Variants in SKOR1 observed in about 807,000 individuals in gnomAD.
SKOR1 encodes the protein SKI family transcriptional corepressor 1.
A neutral mutation model predicts 72.4 loss-of-function variants in SKOR1; 38 were observed. The ratio of observed to expected loss-of-function variants is 0.52; its 90% CI spans 0.40 to 0.69. The LOEUF is 0.69. Among genes scored for constraint, SKOR1 ranks in the 30% least tolerant of loss-of-function variants. SKOR1 has a pLI of 0.00. For missense variants in SKOR1, 1,320 were observed against 1,343.2 expected (o/e 0.98, Z 0.27); for synonymous variants, 642 against 599.4 (o/e 1.07, Z -1.04).
chr15:67,826,859 C>T lies in SKOR1; in HGVS notation c.1031C>T (p.Pro344Leu), dbSNP rs779396600. 30 of 1,529,926 alleles carry T rather than the reference C, an allele frequency of 2.0e-5. No individual in the cohort carries two copies. In the South Asian group the frequency reaches 2.7e-4, roughly 14 times the overall value. 94.8% of individuals were successfully genotyped at this position (1,529,926 alleles called of 1,614,324 possible). A position where few individuals can be genotyped will look rare whatever the true frequency, so the allele number is the denominator to read the frequency against. The change falls in exon 2 of 9, where the codon CCG (proline) becomes CTG (leucine). Residue 344 changes from proline to leucine, a missense_variant. Transcript: ENST00000380035. Reference protein sequence around the residue: ...AGPPGPPPPHPQRGLGLATGA... With the variant: ...AGPPGPPPPHLQRGLGLATGA... Reference sequence around the variant, plus strand: ...CCTCCGGGGCCACCTCCACCCCACCCGCAGCGCGGACTTGGCCTGGCGACT... The same window carrying T: ...CCTCCGGGGCCACCTCCACCCCACCTGCAGCGCGGACTTGGCCTGGCGACT...
At chr15:67,828,591 C>T (rs1462596022) in intron 2 of SKOR1, among the ~76,000 whole-genome samples, 1 of 152,174 alleles carries the variant, frequency 6.6e-6, no homozygotes, top group African/African-American at 2.4e-5. Flanking sequence ...CCAGCAGTAC[C>T]GGGTCCCCGG....
rs747110460 is a variant in SKOR1 at position 67,826,895 on chromosome 15, G to C, written c.1067G>C (p.Gly356Ala). Reference sequence around the variant, plus strand: ...CTTGGCCTGGCGACTGGAGCTAGTGGCCCGGCGGGCCCAGGAGGGCCCGGT... The same window carrying C: ...CTTGGCCTGGCGACTGGAGCTAGTGCCCCGGCGGGCCCAGGAGGGCCCGGT... ...RGLGLATGAS[G>A]PAGPGGPGGG... The change falls in exon 2 of 9, where the codon GGC becomes GCC. Residue 356 changes from glycine to alanine, a missense_variant. Coordinates refer to ENST00000380035, the MANE Select transcript of SKOR1 (RefSeq NM_001365915.1). 1 of 1,548,628 alleles carries C rather than the reference G, an allele frequency of 6.5e-7. No homozygotes were observed. The highest frequency in any genetic ancestry group is 1.9e-5 in the Admixed American group (1 of 53,148).
chr15:67,829,096 T>A, intron 2 of SKOR1, 83 bp from the exon 3 acceptor site: 17 of 1,314,376 alleles, frequency 1.3e-5, no homozygotes, highest in Non-Finnish European at 1.7e-5. Flanking sequence ...CGGCTTTCCC[T>A]CTTGGCCGCG....
Position 67,827,998 on chromosome 15 carries a change from GGGCCACCCCCAGCT to G in SKOR1, c.2175_2188del (p.Pro726AlafsTer16). 1 of 1,539,090 alleles carries G rather than the reference GGGCCACCCCCAGCT, an allele frequency of 6.5e-7. No homozygotes were observed. The highest frequency in any genetic ancestry group is 8.7e-7 in the Non-Finnish European group (1 of 1,144,324). ...CAGCCCCCGCCCCCGGCGCCGCCTCGGGCCACCCCCAGCTGGCCGGCCCGCATTTGGGGACTTGG... is the reference window on the plus strand; with the variant it reads ...CAGCCCCCGCCCCCGGCGCCGCCTCGGGCCGGCCCGCATTTGGGGACTTGG... On this transcript the variant is annotated frameshift_variant, in exon 2 of 9. Coordinates refer to ENST00000380035, the MANE Select transcript of SKOR1 (RefSeq NM_001365915.1). LOFTEE classifies it high-confidence loss of function.
In SKOR1 at chr15:67,833,890, C is replaced by A. The variant is rs759402422; in HGVS notation, c.*54C>A. The A allele has an allele frequency of 1.4e-5, 21 of 1,553,558 alleles. No individual in the cohort carries two copies. Among genetic ancestry groups the A allele is most frequent in the Non-Finnish European group, 1.8e-5 (21 of 1,136,818 alleles). On this transcript the variant is annotated 3_prime_UTR_variant, in exon 9 of 9. Coordinates refer to ENST00000380035, the MANE Select transcript of SKOR1 (RefSeq NM_001365915.1). The surrounding 1 kb of genome is among the most constrained non-coding windows in gnomAD (Gnocchi z 6.0). ...CAAGCCATGCTGCTCCTTGTAAATA[C>A]CCGCTGCTGCGGTGGCCCTGAGCGA...
chr15:67,826,925 G>T lies in SKOR1; in HGVS notation c.1097G>T (p.Gly366Val). 1 of 1,568,012 alleles carries T rather than the reference G, an allele frequency of 6.4e-7. No homozygotes were observed. The highest frequency in any genetic ancestry group is 8.6e-7 in the Non-Finnish European group (1 of 1,164,786). Residue 366 changes from glycine (G) to valine (V), a missense_variant, in exon 2 of 9, where the codon GGC becomes GTC. Around this residue, in one of 3 missense-constraint regions of SKOR1, gnomAD observed 1,099 missense variants for 1,025.5 expected, o/e 1.07. Coordinates refer to ENST00000380035, the MANE Select transcript of SKOR1 (RefSeq NM_001365915.1). ...GPAGPGGPGG[G>V]AGVRSYPVIP... ...GCGGGCCCAGGAGGGCCCGGTGGCGGCGCCGGCGTACGAAGCTACCCGGTG... is the reference window on the plus strand; with the variant it reads ...GCGGGCCCAGGAGGGCCCGGTGGCGTCGCCGGCGTACGAAGCTACCCGGTG...
chr15:67,825,770 G>A lies in SKOR1; in HGVS notation c.107+61G>A, dbSNP rs2090953634. ...GGGCTGTTGTTAACGGCGCCAACATGGGTCTGAGTAACAAAAGACGCCTGT... is the reference window on the plus strand; with the variant it reads ...GGGCTGTTGTTAACGGCGCCAACATAGGTCTGAGTAACAAAAGACGCCTGT... On this transcript the variant is annotated intron_variant, in intron 1 of 8. Coordinates refer to ENST00000380035, the MANE Select transcript of SKOR1 (RefSeq NM_001365915.1). The surrounding 1 kb of genome is among the most constrained non-coding windows in gnomAD (Gnocchi z 5.6). The A allele has an allele frequency of 6.2e-6, 8 of 1,284,416 alleles. No individual in the cohort carries two copies. Among genetic ancestry groups the A allele is most frequent in the South Asian group, 6.2e-5 (5 of 81,034 alleles). 79.6% of individuals were successfully genotyped at this position (1,284,416 alleles called of 1,614,324 possible).
chr15:67,833,725 C>T lies in SKOR1; in HGVS notation c.2804-17C>T, dbSNP rs1347356612. 6.2e-7 allele frequency: 1 copy of T among 1,612,944 alleles called. No homozygotes were observed. Among genetic ancestry groups the T allele is most frequent in the Non-Finnish European group, 8.5e-7 (1 of 1,179,530 alleles). On this transcript the variant is annotated splice_polypyrimidine_tract_variant and intron_variant, in intron 8 of 8. Coordinates refer to ENST00000380035, the MANE Select transcript of SKOR1 (RefSeq NM_001365915.1). This position sits in a 1 kb window ranked among gnomAD's most constrained non-coding sequence, Gnocchi z 6.0. ...CTGGAGAGGCGCCCAGAGTGACCCTCGCGACTGTCTCCCCAGAAGCCCACG... is the reference window on the plus strand; with the variant it reads ...CTGGAGAGGCGCCCAGAGTGACCCTTGCGACTGTCTCCCCAGAAGCCCACG...
In SKOR1 at chr15:67,826,036, A is replaced by G. The variant is rs746861589; in HGVS notation, c.208A>G (p.Ser70Gly). The G allele has an allele frequency of 1.0e-5, 16 of 1,575,504 alleles. No homozygotes were observed. Among genetic ancestry groups the G allele is most frequent in the Non-Finnish European group, 1.1e-5 (13 of 1,157,072 alleles). The change falls in exon 2 of 9, where the codon AGC becomes GGC. Residue 70 changes from serine to glycine, a missense_variant. Transcript: ENST00000380035. ...KQELQPYSGS[S>G]ALKPNQVGET... ...GGAGCTGCAGCCGTACTCGGGCTCC[A>G]GCGCTCTCAAACCCAACCAGGTGGG... is the stretch of plus-strand genomic sequence containing the variant.
intron 5 of SKOR1, among the ~76,000 whole-genome samples, chr15:67,831,094 C>T (rs767037433): frequency 1.9e-4 from 29 of 152,266 alleles, no homozygotes; most frequent in Non-Finnish European, 3.4e-4. Flanking sequence ...GTGGGTAGAG[C>T]ATGGGAGTAA....
Position 67,826,029 on chromosome 15 carries a change from G to C in SKOR1, c.201G>C (p.Ser67=). 1 of 1,566,602 alleles carries C rather than the reference G, an allele frequency of 6.4e-7. No homozygotes were observed. The highest frequency in any genetic ancestry group is 8.7e-7 in the Non-Finnish European group (1 of 1,152,584). Residue 67 remains serine (S), a synonymous_variant, in exon 2 of 9, where the codon TCG becomes TCC. Coordinates refer to ENST00000380035, the MANE Select transcript of SKOR1 (RefSeq NM_001365915.1). ...CCAAGCAGGAGCTGCAGCCGTACTC[G>C]GGCTCCAGCGCTCTCAAACCCAACC... ...PNSKQELQPY[S]GSSALKPNQV... is the part of the protein sequence containing the mutation.
chr15:67,826,842 G>A lies in SKOR1; in HGVS notation c.1014G>A (p.Gly338=). The change falls in exon 2 of 9, where the codon GGG becomes GGA. Residue 338 remains glycine (G), a synonymous_variant. Transcript: ENST00000380035. ...CGEDEAAGPP[G]PPPPHPQRGL... ...AAGATGAGGCTGCCGGGCCTCCGGG[G>A]CCACCTCCACCCCACCCGCAGCGCG... 1.3e-6 allele frequency: 2 copies of A among 1,524,674 alleles called. No individual in the cohort carries two copies. The highest frequency in any genetic ancestry group is 1.8e-6 in the Non-Finnish European group (2 of 1,138,758). The allele number at this position is 1,524,674 out of a possible 1,614,324, so 94.4% of individuals were successfully genotyped here.
intron 4 of SKOR1, among the ~76,000 whole-genome samples, chr15:67,830,520 C>T (rs1438098002): frequency 6.6e-6 from 1 of 152,134 alleles, no homozygotes; most frequent in African/African-American, 2.4e-5. Context: ...CAGGTAAGGG[C>T]AGAGGATGTA....
rs374576580 is a variant in SKOR1, at chr15:67,832,370, C to G, written c.2662+22C>G. 2 of 1,612,278 alleles carry G rather than the reference C, an allele frequency of 1.2e-6. No individual in the cohort carries two copies. Among genetic ancestry groups the G allele is most frequent in the Admixed American group, 3.3e-5 (2 of 59,956 alleles). On this transcript the variant is annotated intron_variant, in intron 6 of 8. Coordinates refer to ENST00000380035, the MANE Select transcript of SKOR1 (RefSeq NM_001365915.1). This position sits in a 1 kb window ranked among gnomAD's most constrained non-coding sequence, Gnocchi z 4.5. ...AAAGGTACCCACTGCCATCCTGCCT[C>G]ACCCCACCTCATCACCGAGCCTTCC...
chr15:67,832,687 ACG>A lies in SKOR1; in HGVS notation c.2737+7_2737+8del. 1 of 1,613,614 alleles carries A rather than the reference ACG, an allele frequency of 6.2e-7. No individual in the cohort carries two copies. Among genetic ancestry groups the A allele is most frequent in the East Asian group, 2.2e-5 (1 of 44,886 alleles). Reference sequence around the variant, plus strand: ...ACAGCTGCAAATTGTCAGAGGTAAGACGGGAGTCAGGTGAGCTCGTGCACGGG... The same window carrying A: ...ACAGCTGCAAATTGTCAGAGGTAAGAGGAGTCAGGTGAGCTCGTGCACGGG... On this transcript the variant is annotated splice_region_variant and intron_variant, in intron 7 of 8. Coordinates refer to ENST00000380035, the MANE Select transcript of SKOR1 (RefSeq NM_001365915.1). This position sits in a 1 kb window ranked among gnomAD's most constrained non-coding sequence, Gnocchi z 4.5.
Position 67,827,490 on chromosome 15 carries a change from G to C in SKOR1, c.1662G>C (p.Pro554=). The C allele has an allele frequency of 6.6e-7, 1 of 1,521,732 alleles. No homozygotes were observed. Among genetic ancestry groups the C allele is most frequent in the Non-Finnish European group, 8.8e-7 (1 of 1,141,898 alleles). The allele number at this position is 1,521,732 out of a possible 1,614,324, so 94.3% of individuals were successfully genotyped here. A position where few individuals can be genotyped will look rare whatever the true frequency, so the allele number is the denominator to read the frequency against. Residue 554 remains proline (P), a synonymous_variant, in exon 2 of 9, where the codon CCG becomes CCC. Transcript: ENST00000380035. ...ESGLGAEERC[P]SALSRGPLDE... Reference sequence around the variant, plus strand: ...GCCTCGGCGCGGAGGAGCGCTGCCCGAGCGCTCTGTCCCGCGGGCCCCTGG... The same window carrying C: ...GCCTCGGCGCGGAGGAGCGCTGCCCCAGCGCTCTGTCCCGCGGGCCCCTGG...
rs973927205 is a variant in SKOR1 at position 67,833,667 on chromosome 15, A to AG, written c.2804-71dup. The stretch of plus-strand genomic sequence containing the variant: ...CCCCAAAGGGTTGGTAAGGCCGGGG[A>AG]GGGGAAAGGGTGGACTGCGCGGTGA... On this transcript the variant is annotated intron_variant, in intron 8 of 8. Coordinates refer to ENST00000380035, the MANE Select transcript of SKOR1 (RefSeq NM_001365915.1). This position sits in a 1 kb window ranked among gnomAD's most constrained non-coding sequence, Gnocchi z 6.0. 9 of 1,455,964 alleles carry AG rather than the reference A, an allele frequency of 6.2e-6. No homozygotes were observed. The Admixed American group carries it at 1.3e-4, about 22-fold the overall frequency. 90.2% of individuals were successfully genotyped at this position (1,455,964 alleles called of 1,614,324 possible). A position where few individuals can be genotyped will look rare whatever the true frequency, so the allele number is the denominator to read the frequency against.
chr15:67,833,960 T>C lies in SKOR1; in HGVS notation c.*124T>C. Reference sequence around the variant, plus strand: ...CGACCGATGTAAATACAGCCGCCCGTCCGCCCGCCTTCCTCCCGGGCTCCC... The same window carrying C: ...CGACCGATGTAAATACAGCCGCCCGCCCGCCCGCCTTCCTCCCGGGCTCCC... On this transcript the variant is annotated 3_prime_UTR_variant, in exon 9 of 9. Coordinates refer to ENST00000380035, the MANE Select transcript of SKOR1 (RefSeq NM_001365915.1). This position sits in a 1 kb window ranked among gnomAD's most constrained non-coding sequence, Gnocchi z 6.0. The C allele has an allele frequency of 1.9e-6, 2 of 1,065,480 alleles. No individual in the cohort carries two copies. Among genetic ancestry groups the C allele is most frequent in the Non-Finnish European group, 1.4e-6 (1 of 714,698 alleles). The allele number at this position is 1,065,480 out of a possible 1,614,324, so 66.0% of individuals were successfully genotyped here. A position where few individuals can be genotyped will look rare whatever the true frequency, so the allele number is the denominator to read the frequency against.
chr15:67,826,610 G>T lies in SKOR1; in HGVS notation c.782G>T (p.Ser261Ile). 1 of 1,613,784 alleles carries T rather than the reference G, an allele frequency of 6.2e-7. No homozygotes were observed. Among genetic ancestry groups the T allele is most frequent in the Non-Finnish European group, 8.5e-7 (1 of 1,179,926 alleles). The stretch of plus-strand genomic sequence containing the variant: ...GACAAGTCGGCCACAGACGAACTGA[G>T]CCATGCTTGGGAGGACGTCAAGGCC... ...LSDKSATDELSHAWEDVKAMF... is the reference protein window; with the variant it reads ...LSDKSATDELIHAWEDVKAMF... The change falls in exon 2 of 9, where the codon AGC (serine) becomes ATC (isoleucine). Residue 261 changes from serine to isoleucine, a missense_variant. Ser to Ile is a moderately radical substitution (Grantham distance 142). Coordinates refer to ENST00000380035, the MANE Select transcript of SKOR1 (RefSeq NM_001365915.1).
Sources: gnomAD v4.1 joint callset for allele counts (sites outside exome capture counted in the v4.1 genomes callset) on GRCh38, gnomAD v4.1.1 for gene constraint, gnomAD v4.1.1 regional missense constraint, Gnocchi (gnomAD v3.1) non-coding constraint, MANE v1.5 for transcripts, NCBI Gene and HGNC (gene_info 2026-07-23, HGNC 2026-07-21) for gene names.